The following ABHD17B variants were observed in gnomAD, a reference collection of about 807,000 sequenced individuals.
ABHD17B encodes abhydrolase domain containing 17B, depalmitoylase.
Under a neutral mutation model 26.2 loss-of-function variants are expected in ABHD17B, and 9 were observed. That is an observed-to-expected ratio of 0.34 (90% CI 0.21 to 0.60). ABHD17B has a LOEUF of 0.60. Among genes scored for constraint, ABHD17B ranks in the 20% least tolerant of loss-of-function variants. The pLI is 0.80. For synonymous variants in ABHD17B, 127 were observed against 122.3 expected (o/e 1.04, Z -0.25); for missense variants, 224 against 352.1 (o/e 0.64, Z 2.91).
rs1449047878 is a variant in ABHD17B at position 71,891,320 on chromosome 9, A to G, written c.-3-16237T>C. 2.0e-5 allele frequency among the ~76,000 whole-genome samples: 3 copies of G among 152,192 alleles called. No individual in the cohort carries two copies. The South Asian group carries it at 6.2e-4, about 32-fold the overall frequency. ...TCTAAATGTGTGTTATTGTTTGTCCATTTTGTTTTATACTTAATGGGTCCA... is the reference window on the plus strand; with the variant it reads ...TCTAAATGTGTGTTATTGTTTGTCCGTTTTGTTTTATACTTAATGGGTCCA... On this transcript the variant is annotated intron_variant, in intron 1 of 3. Coordinates refer to ENST00000333421, the MANE Select transcript of ABHD17B (RefSeq NM_001025780.3).
chr9:71,902,589 T>C (rs977835439), intron 1 of ABHD17B: 1 of 152,230 alleles, frequency 6.6e-6, no homozygotes, highest in African/African-American at 2.4e-5. Context: ...ATGAGGTCTG[T>C]TAAAAAGCTC....
At chr9:71,887,960 C>T (rs900741702) in intron 1 of ABHD17B, among the ~76,000 whole-genome samples, 1 of 152,308 alleles carries the variant, frequency 6.6e-6, no homozygotes, top group African/African-American at 2.4e-5. Flanking sequence ...TTTTAATCCA[C>T]GGTTTGATGA....
intron 1 of ABHD17B, among the ~76,000 whole-genome samples, chr9:71,908,819 T>A (rs559094026): frequency 6.6e-6 from 1 of 152,312 alleles, no homozygotes; most frequent in East Asian, 1.9e-4. Context: ...AGAGTAACTG[T>A]TGCTTACATG....
chr9:71,885,204 G>A (rs1322799223), intron 1 of ABHD17B, among the ~76,000 whole-genome samples: 1 of 152,004 alleles, frequency 6.6e-6, no homozygotes, highest in African/African-American at 2.4e-5. Flanking sequence ...CAGCAATTTG[G>A]GAGGCCAAGG....
chr9:71,904,848 T>C (rs143641206), intron 1 of ABHD17B, among the ~76,000 whole-genome samples: 108 of 152,304 alleles, frequency 7.1e-4, no homozygotes, highest in African/African-American at 2.1e-3. Context: ...CATCAGAACA[T>C]CTTAACATAA....
chr9:71,885,812 A>G (rs1353084655), intron 1 of ABHD17B, among the ~76,000 whole-genome samples: 10 of 149,360 alleles, frequency 6.7e-5, no homozygotes, highest in South Asian at 6.2e-4. Context: ...TTACTAGGGG[A>G]AAAAAAATCT....
chr9:71,875,760 A>G (rs1343164364), intron 1 of ABHD17B, among the ~76,000 whole-genome samples: 1 of 152,250 alleles, frequency 6.6e-6, no homozygotes, highest in Non-Finnish European at 1.5e-5. Context: ...AAGTTCTTAG[A>G]ACCTCATGGA....
intron 2 of ABHD17B, 88 bp downstream of exon 2, chr9:71,874,526 A>G (rs994081423): frequency 5.0e-5 from 55 of 1,098,286 alleles, no homozygotes; most frequent in Non-Finnish European, 9.0e-6. Flanking sequence ...AGTTATGTAT[A>G]ATAAAAACAG....
intron 1 of ABHD17B, among the ~76,000 whole-genome samples, chr9:71,905,810 A>G (rs1255500251): frequency 6.6e-6 from 1 of 152,124 alleles, no homozygotes; most frequent in Non-Finnish European, 1.5e-5. Context: ...GTGCAGCGCC[A>G]TGGTAGGCAG....
chr9:71,886,421 CAAAA>C (rs5898239), intron 1 of ABHD17B, among the ~76,000 whole-genome samples: 12 of 126,864 alleles, frequency 9.5e-5, no homozygotes, highest in Admixed American at 1.6e-4. Context: ...GACCCTGTCT[CAAAA>C]AAAAAAAAAA....
chr9:71,870,627 C>T (rs1358477056), intron 2 of ABHD17B, among the ~76,000 whole-genome samples: 2 of 152,076 alleles, frequency 1.3e-5, no homozygotes, highest in Admixed American at 6.6e-5. Flanking sequence ...ATGAATAGGT[C>T]ATATTTATTT....
At chr9:71,872,641 A>T (rs1329676561) in intron 2 of ABHD17B, among the ~76,000 whole-genome samples, 1 of 152,198 alleles carries the variant, frequency 6.6e-6, no homozygotes, top group Non-Finnish European at 1.5e-5. Context: ...TGTGAACCTT[A>T]TCACTCAATA....
At chr9:71,901,641 AG>A (rs1827144791) in intron 1 of ABHD17B, among the ~76,000 whole-genome samples, 1 of 152,166 alleles carries the variant, frequency 6.6e-6, no homozygotes, top group Non-Finnish European at 1.5e-5. Flanking sequence ...CTAAGATTTC[AG>A]GTCTCTCCCC....
intron 1 of ABHD17B, among the ~76,000 whole-genome samples, chr9:71,882,865 G>A (rs1826488882): frequency 6.6e-6 from 1 of 152,040 alleles, no homozygotes; most frequent in Admixed American, 6.6e-5. Context: ...TAAAAACATT[G>A]CCGGGCGCAG....
chr9:71,883,807 C>T (rs933599807), intron 1 of ABHD17B, among the ~76,000 whole-genome samples: 6 of 152,072 alleles, frequency 3.9e-5, no homozygotes, highest in Admixed American at 2.6e-4. Flanking sequence ...CATGGTGGCG[C>T]GTGCCTGTAA....
intron 1 of ABHD17B, among the ~76,000 whole-genome samples, chr9:71,908,211 T>G (rs545538298): frequency 6.6e-6 from 1 of 151,886 alleles, no homozygotes; most frequent in South Asian, 2.1e-4. Flanking sequence ...GCCAACGTGG[T>G]GAAACCCCAT....
At chr9:71,872,778 A>G (rs1826150970) in intron 2 of ABHD17B, among the ~76,000 whole-genome samples, 1 of 152,098 alleles carries the variant, frequency 6.6e-6, no homozygotes, top group Non-Finnish European at 1.5e-5. Flanking sequence ...CAATATATGT[A>G]AAAGATTTTT....
At chr9:71,903,836 A>G (rs1365016005) in intron 1 of ABHD17B, among the ~76,000 whole-genome samples, 1 of 152,228 alleles carries the variant, frequency 6.6e-6, no homozygotes, top group Non-Finnish European at 1.5e-5. Context: ...ACAGAGTGCT[A>G]TGAGAACAAG....
intron 1 of ABHD17B, among the ~76,000 whole-genome samples, chr9:71,892,068 T>C (rs1378325921): frequency 6.6e-6 from 1 of 152,202 alleles, no homozygotes. Context: ...CATTTTCCTT[T>C]TCTACAAAGT....
Sources: gnomAD v4.1 joint callset for allele counts (sites outside exome capture counted in the v4.1 genomes callset) on GRCh38, gnomAD v4.1.1 for gene constraint, MANE v1.5 for transcripts, NCBI Gene and HGNC (gene_info 2026-07-23, HGNC 2026-07-21) for gene names.